Variants in PCDHGA12 observed in about 807,000 individuals in gnomAD.
PCDHGA12 encodes the protein protocadherin gamma-A12.
In PCDHGA12, 43 loss-of-function variants were observed where a neutral mutation model predicts 61.1. The ratio of observed to expected loss-of-function variants is 0.70; its 90% CI spans 0.55 to 0.91. PCDHGA12 has a LOEUF of 0.91. PCDHGA12 is among the 40% of genes least tolerant of loss of function. The pLI, the probability that PCDHGA12 is intolerant of heterozygous loss-of-function variation, is 0.00. For synonymous variants in PCDHGA12, 520 were observed against 542.9 expected, an observed-to-expected ratio of 0.96 and a Z score of 0.59; for missense variants, 1,236 against 1,227.7, an observed-to-expected ratio of 1.01 and a Z score of -0.10.
In PCDHGA12 at chr5:141,511,131, C is replaced by T; in HGVS notation, c.2757C>T (p.Gly919=). ...GGGATGGCAAGGCCCCAGCAGGTGG[C>T]AATGGCAACAAGAAGAAGTCGGGCA... is the stretch of plus-strand genomic sequence containing the variant. ...GKRDGKAPAG[G]NGNKKKSGKK... is the part of the protein sequence containing the mutation. The change falls in exon 4 of 4, where the codon GGC becomes GGT. Residue 919 remains glycine (G), a synonymous_variant. Coordinates refer to ENST00000252085, the MANE Select transcript of PCDHGA12 (RefSeq NM_003735.3). 2 of 1,614,202 alleles carry T rather than the reference C, an allele frequency of 1.2e-6. No homozygotes were observed. Among genetic ancestry groups the T allele is most frequent in the Non-Finnish European group, 1.7e-6 (2 of 1,180,020 alleles).
At chr5:141,500,045 T>C (rs2099796072) in intron 2 of PCDHGA12, among the ~76,000 whole-genome samples, 1 of 152,062 alleles carries the variant, frequency 6.6e-6, no homozygotes, top group South Asian at 2.1e-4. Flanking sequence ...CTTAAGTATC[T>C]TAATGCTCTT....
At position 141,491,290 on chromosome 5, in the gene PCDHGA12, C is replaced by T. The variant is rs747758229; in HGVS notation, c.2425-3517C>T. Reference sequence around the variant, plus strand: ...CAAATCCAGTGACTTCCTCATACACCCTCCTGAGCGTTCAGACCTTACCCT... The same window carrying T: ...CAAATCCAGTGACTTCCTCATACACTCTCCTGAGCGTTCAGACCTTACCCT... On this transcript the variant is annotated intron_variant, in intron 1 of 3. Coordinates refer to ENST00000252085, the MANE Select transcript of PCDHGA12 (RefSeq NM_003735.3). The surrounding 1 kb of genome is among the most constrained non-coding windows in gnomAD (Gnocchi z 6.9). 6.2e-7 allele frequency: 1 copy of T among 1,613,974 alleles called. No homozygotes were observed. Among genetic ancestry groups the T allele is most frequent in the Non-Finnish European group, 8.5e-7 (1 of 1,179,952 alleles).
chr5:141,503,598 CAAAA>C (rs765754054), intron 2 of PCDHGA12, among the ~76,000 whole-genome samples: 2 of 65,756 alleles, frequency 3.0e-5, no homozygotes. Flanking sequence ...GACTCCAGCT[CAAAA>C]AAAAAAAAAA....
intron 3 of PCDHGA12, among the ~76,000 whole-genome samples, chr5:141,509,450 C>A (rs2099876883): frequency 6.6e-6 from 1 of 152,128 alleles, no homozygotes; most frequent in Non-Finnish European, 1.5e-5. Context: ...CCTCTCCCAC[C>A]CCCGACCCAG....
At position 141,485,848 on chromosome 5, in the gene PCDHGA12, C is replaced by G. The variant is rs1416763615; in HGVS notation, c.2425-8959C>G. 1.9e-6 allele frequency: 3 copies of G among 1,614,076 alleles called. No individual in the cohort carries two copies. The highest frequency in any genetic ancestry group is 1.1e-5 in the South Asian group (1 of 91,084). On this transcript the variant is annotated intron_variant, in intron 1 of 3. Coordinates refer to ENST00000252085, the MANE Select transcript of PCDHGA12 (RefSeq NM_003735.3). This position sits in a 1 kb window ranked among gnomAD's most constrained non-coding sequence, Gnocchi z 5.7. The stretch of plus-strand genomic sequence containing the variant: ...GAGGGAACCCGCCGAGATCTGGCAC[C>G]GCAGAGCTCCGGGTATCCGTGCTGG...
chr5:141,499,551 A>T (rs1178321389), intron 2 of PCDHGA12, among the ~76,000 whole-genome samples: 1 of 152,200 alleles, frequency 6.6e-6, no homozygotes, highest in Non-Finnish European at 1.5e-5. Flanking sequence ...AACCTGTATG[A>T]TACCACTATC....
Position 141,432,741 on chromosome 5 carries a change from C to A in PCDHGA12, c.1982C>A (p.Thr661Asn). 6.2e-7 allele frequency: 1 copy of A among 1,614,106 alleles called. No individual in the cohort carries two copies. The highest frequency in any genetic ancestry group is 8.5e-7 in the Non-Finnish European group (1 of 1,179,988). Residue 661 changes from threonine to asparagine, a missense_variant, in exon 1 of 4, where the codon ACC (threonine) becomes AAC (asparagine). Thr to Asn is a moderately conservative substitution (Grantham distance 65). Transcript: ENST00000252085. The surrounding 1 kb of genome is among the most constrained non-coding windows in gnomAD (Gnocchi z 6.0). The part of the protein sequence containing the change: ...QPPLSATVTL[T>N]VAVADSIPQV... ...CCTCTCTCCGCCACTGTCACGCTCA[C>A]CGTGGCCGTGGCCGACAGCATCCCC...
chr5:141,476,551 C>G lies in PCDHGA12; in HGVS notation c.2425-18256C>G, dbSNP rs367700651. ...CCCAGGAAATGAAATTGGAGATTAG[C>G]GAGGCCGTGGCTCCGGGGACGCGCT... On this transcript the variant is annotated intron_variant, in intron 1 of 3. Transcript: ENST00000252085. The surrounding 1 kb of genome is among the most constrained non-coding windows in gnomAD (Gnocchi z 7.6). 128 of 1,614,078 alleles carry G rather than the reference C, an allele frequency of 7.9e-5. No homozygotes were observed. Among genetic ancestry groups the G allele is most frequent in the Non-Finnish European group, 1.0e-4 (122 of 1,180,034 alleles).
chr5:141,487,475 C>A lies in PCDHGA12; in HGVS notation c.2425-7332C>A. 6.2e-7 allele frequency: 1 copy of A among 1,614,156 alleles called. No individual in the cohort carries two copies. The highest frequency in any genetic ancestry group is 8.5e-7 in the Non-Finnish European group (1 of 1,180,032). On this transcript the variant is annotated intron_variant, in intron 1 of 3. Transcript: ENST00000252085. This position sits in a 1 kb window ranked among gnomAD's most constrained non-coding sequence, Gnocchi z 5.0. ...TATCAAGTTTGTTGATGTGGGAGGC[C>A]ACTCTCATGGCTGTACACCCTTGGC...
At chr5:141,437,150 A>T (rs572721302) in intron 1 of PCDHGA12, among the ~76,000 whole-genome samples, 1 of 152,328 alleles carries the variant, frequency 6.6e-6, no homozygotes, top group East Asian at 1.9e-4. Flanking sequence ...CATAATTAAC[A>T]TATGTGTTGA....
At chr5:141,448,488 C>A (rs568050769) in intron 1 of PCDHGA12, among the ~76,000 whole-genome samples, 1 of 152,280 alleles carries the variant, frequency 6.6e-6, no homozygotes, top group African/African-American at 2.4e-5. Context: ...TTCCTCCTGT[C>A]CCCTGTAGGT....
rs539620413 is a variant in PCDHGA12, at chr5:141,488,489, G to GT, written c.2425-6317dup. Among the ~76,000 whole-genome samples the GT allele has an allele frequency of 1.6e-4, 25 of 152,268 alleles. No homozygotes were observed. In the South Asian group the frequency reaches 4.6e-3, roughly 28 times the overall value. On this transcript the variant is annotated intron_variant, in intron 1 of 3. Transcript: ENST00000252085. ...AGAAATGTTCCCCTACCCAAAAACT[G>GT]TAACACTCATTCCACATTTGGGGTC...
In PCDHGA12 at chr5:141,512,443, CCTT is replaced by C. The variant is rs1263805618; in HGVS notation, c.*1272_*1274del. On this transcript the variant is annotated 3_prime_UTR_variant, in exon 4 of 4. Coordinates refer to ENST00000252085, the MANE Select transcript of PCDHGA12 (RefSeq NM_003735.3). ...GCCCCTGCCCTCCTGAAGCCTCAGT[CCTT>C]CACCTTGCCAGGTGCCGTTTCTCTT... The C allele has an allele frequency of 1.3e-5, 2 of 152,896 alleles. No homozygotes were observed. The highest frequency in any genetic ancestry group is 4.8e-5 in the African/African-American group (2 of 41,468). 9.5% of individuals were successfully genotyped at this position (152,896 alleles called of 1,614,324 possible).
rs556217163 is a variant in PCDHGA12, at chr5:141,433,697, C to T, written c.2424+514C>T. Among the ~76,000 whole-genome samples the T allele has an allele frequency of 6.0e-4, 91 of 152,138 alleles. 1 individual carries two copies. Among genetic ancestry groups the T allele is most frequent in the African/African-American group, 2.0e-3 (85 of 41,536 alleles). ...CTAAAAAAATACAAAATTAGCCGGGCGTGGTGGTGCATGTCTGTAATCCCA... is the reference window on the plus strand; with the variant it reads ...CTAAAAAAATACAAAATTAGCCGGGTGTGGTGGTGCATGTCTGTAATCCCA... On this transcript the variant is annotated intron_variant, in intron 1 of 3. Coordinates refer to ENST00000252085, the MANE Select transcript of PCDHGA12 (RefSeq NM_003735.3).
chr5:141,494,923 G>A lies in PCDHGA12; in HGVS notation c.2483+58G>A, dbSNP rs572227346. Reference sequence around the variant, plus strand: ...TCTGCGGCATTTTCTCAGGGATGACGTGGGAGGAGATGGGGGAGGGCCCAG... The same window carrying A: ...TCTGCGGCATTTTCTCAGGGATGACATGGGAGGAGATGGGGGAGGGCCCAG... On this transcript the variant is annotated intron_variant, in intron 2 of 3. Coordinates refer to ENST00000252085, the MANE Select transcript of PCDHGA12 (RefSeq NM_003735.3). The A allele has an allele frequency of 8.9e-5, 143 of 1,613,698 alleles. 1 individual carries two copies. In the Middle Eastern group the frequency reaches 1.8e-3, roughly 20 times the overall value.
At chr5:141,435,858 A>C (rs138728159) in intron 1 of PCDHGA12, among the ~76,000 whole-genome samples, 1 of 152,304 alleles carries the variant, frequency 6.6e-6, no homozygotes, top group East Asian at 1.9e-4. Context: ...TACAATAGTT[A>C]AAACCCAGAA....
chr5:141,503,616 A>G (rs1260134621), intron 2 of PCDHGA12, among the ~76,000 whole-genome samples: 2 of 150,944 alleles, frequency 1.3e-5, no homozygotes, highest in African/African-American at 2.4e-5. Context: ...AAAAAAAAAG[A>G]AAAAAGAAAA....
chr5:141,492,078 C>T (rs948391194), intron 1 of PCDHGA12: 4 of 483,290 alleles, frequency 8.3e-6, no homozygotes, highest in African/African-American at 2.0e-5. Flanking sequence ...GCGCCGGCTC[C>T]GGCACGCTTC....
chr5:141,443,733 C>T (rs7723254), intron 1 of PCDHGA12, among the ~76,000 whole-genome samples: 16,856 of 152,062 alleles, frequency 0.11, 1,109 homozygotes, highest in African/African-American at 0.17. Context: ...TCATACATTT[C>T]CCTATCAGTG....
Sources: gnomAD v4.1 joint callset for allele counts (sites outside exome capture counted in the v4.1 genomes callset) on GRCh38, gnomAD v4.1.1 for gene constraint, Gnocchi (gnomAD v3.1) non-coding constraint, MANE v1.5 for transcripts, NCBI Gene and HGNC (gene_info 2026-07-23, HGNC 2026-07-21) for gene names.